BBS9: variants seen among roughly 807,000 people sequenced by gnomAD.
BBS9 encodes Bardet-Biedl syndrome 9.
Under a neutral mutation model 117.7 loss-of-function variants are expected in BBS9, and 89 were observed. The observed-to-expected ratio is 0.76, with a 90% CI of 0.64 to 0.90. BBS9 has a LOEUF of 0.90. Ranked by LOEUF, BBS9 falls within the 40% of genes least tolerant of loss-of-function variation. The pLI, the probability that BBS9 is intolerant of heterozygous loss-of-function variation, is 0.00. For missense variants in BBS9, 982 were observed against 1,042.2 expected, an observed-to-expected ratio of 0.94 and a Z score of 0.80; for synonymous variants, 379 against 370.9, an observed-to-expected ratio of 1.02 and a Z score of -0.25.
At chr7:33,353,462 A>G (rs1260894359) in intron 15 of BBS9, among the ~76,000 whole-genome samples, 1 of 152,098 alleles carries the variant, frequency 6.6e-6, no homozygotes. Flanking sequence ...TCTGATCACA[A>G]TATGAACTTA....
intron 9 of BBS9, among the ~76,000 whole-genome samples, chr7:33,328,318 A>G (rs1260306884): frequency 2.6e-5 from 4 of 152,214 alleles, no homozygotes; most frequent in Non-Finnish European, 4.4e-5. Context: ...ATTTAAAGTA[A>G]GTTTGAAGTC....
At chr7:33,354,565 T>C (rs902177870) in intron 15 of BBS9, among the ~76,000 whole-genome samples, 10 of 152,156 alleles carry the variant, frequency 6.6e-5, no homozygotes, top group Admixed American at 6.5e-4. Context: ...AATATGAAAT[T>C]ACTCTAGCAG....
chr7:33,439,432 A>T (rs980050119), intron 19 of BBS9, among the ~76,000 whole-genome samples: 2 of 152,026 alleles, frequency 1.3e-5, no homozygotes, highest in African/African-American at 4.8e-5. Flanking sequence ...ATAGATTTCT[A>T]CATTTCTCTT....
downstream of BBS9, among the ~76,000 whole-genome samples, chr7:33,610,497 A>G (rs1864801476): frequency 6.6e-6 from 1 of 152,120 alleles, no homozygotes; most frequent in Non-Finnish European, 1.5e-5. Flanking sequence ...GCGTGGCAGA[A>G]GAGCCAAGAG....
At chr7:33,386,755 A>G (rs981331047) in intron 18 of BBS9, among the ~76,000 whole-genome samples, 3 of 151,842 alleles carry the variant, frequency 2.0e-5, no homozygotes, top group African/African-American at 4.8e-5. Context: ...CGGCCTCCCA[A>G]AGTTCTGGGA....
intron 19 of BBS9, among the ~76,000 whole-genome samples, chr7:33,473,210 T>C (rs1841310986): frequency 6.6e-6 from 1 of 152,236 alleles, no homozygotes; most frequent in Non-Finnish European, 1.5e-5. Flanking sequence ...GGAAGAATAG[T>C]ATTTTGAAAA....
intron 19 of BBS9, among the ~76,000 whole-genome samples, chr7:33,503,819 A>T (rs1563268097): frequency 6.6e-6 from 1 of 152,072 alleles, no homozygotes; most frequent in East Asian, 1.9e-4. Context: ...GAGGAACACG[A>T]TTCCAGGTGT....
At chr7:33,379,445 A>G (rs1824535884) in intron 17 of BBS9, among the ~76,000 whole-genome samples, 1 of 152,142 alleles carries the variant, frequency 6.6e-6, no homozygotes, top group East Asian at 1.9e-4. Flanking sequence ...CTTTGTATAT[A>G]TTTAGGCTAA....
rs113769802 is a variant in BBS9 at position 33,428,804 on chromosome 7, A to G, written c.2115+40660A>G. ...CTTGTGGTTTATACATAATTGTTTAATTAGCCTCTACAGGCTACTATGGTA... is the reference window on the plus strand; with the variant it reads ...CTTGTGGTTTATACATAATTGTTTAGTTAGCCTCTACAGGCTACTATGGTA... On this transcript the variant is annotated intron_variant, in intron 19 of 22. Coordinates refer to ENST00000242067, the MANE Select transcript of BBS9 (RefSeq NM_198428.3). Among the ~76,000 whole-genome samples, 211 of 152,310 alleles carry G rather than the reference A, an allele frequency of 1.4e-3. 2 individuals carry two copies. Among genetic ancestry groups the G allele is most frequent in the African/African-American group, 3.8e-3 (156 of 41,586 alleles).
intron 5 of BBS9, among the ~76,000 whole-genome samples, chr7:33,250,298 G>T (rs1415026717): frequency 6.6e-6 from 1 of 152,120 alleles, no homozygotes; most frequent in Non-Finnish European, 1.5e-5. Context: ...TTAACAGAAG[G>T]CCAGAAATGT....
At chr7:33,477,944 G>A (rs2128967626) in intron 19 of BBS9, among the ~76,000 whole-genome samples, 1 of 152,160 alleles carries the variant, frequency 6.6e-6, no homozygotes, top group African/African-American at 2.4e-5. Context: ...TGGGTTTTTT[G>A]GAAGAAGTGA....
intron 19 of BBS9, among the ~76,000 whole-genome samples, chr7:33,407,666 G>A (rs1830287299): frequency 6.6e-6 from 1 of 152,222 alleles, no homozygotes; most frequent in East Asian, 1.9e-4. Context: ...AGGACCCTCA[G>A]CTGCAGGTCT....
intron 9 of BBS9, among the ~76,000 whole-genome samples, chr7:33,284,854 C>A (rs926000716): frequency 2.0e-5 from 3 of 152,078 alleles, no homozygotes; most frequent in Admixed American, 6.6e-5. Flanking sequence ...TTTTAGTCTG[C>A]TGAGGTACTG....
chr7:33,277,751 G>C (rs1228618107), intron 9 of BBS9, among the ~76,000 whole-genome samples: 2 of 152,162 alleles, frequency 1.3e-5, no homozygotes, highest in Admixed American at 1.3e-4. Flanking sequence ...TCTGGGAGCA[G>C]TTGGTGGGTC....
chr7:33,415,760 G>A (rs888039185), intron 19 of BBS9, among the ~76,000 whole-genome samples: 4 of 152,060 alleles, frequency 2.6e-5, no homozygotes, highest in Non-Finnish European at 5.9e-5. Context: ...AACAGCATAG[G>A]AATAAGCCAG....
intron 19 of BBS9, among the ~76,000 whole-genome samples, chr7:33,409,999 T>C (rs1488061281): frequency 6.6e-6 from 1 of 152,190 alleles, no homozygotes; most frequent in South Asian, 2.1e-4. Context: ...TTAGGAGTGC[T>C]ATGATTAAAC....
At chr7:33,171,141 G>A (rs1040810200) in intron 4 of BBS9, among the ~76,000 whole-genome samples, 5 of 152,158 alleles carry the variant, frequency 3.3e-5, no homozygotes, top group East Asian at 1.9e-4. Context: ...AGCCCGCATC[G>A]CCAAGTCAAT....
At chr7:33,316,057 T>C (rs966846080) in intron 9 of BBS9, among the ~76,000 whole-genome samples, 4 of 152,180 alleles carry the variant, frequency 2.6e-5, no homozygotes, top group South Asian at 2.1e-4. Flanking sequence ...GTCTCTCAAG[T>C]TATAGAACAT....
chr7:33,500,168 T>C (rs1845248562), intron 19 of BBS9, among the ~76,000 whole-genome samples: 1 of 152,240 alleles, frequency 6.6e-6, no homozygotes, highest in African/African-American at 2.4e-5. Context: ...CCAATTTGAA[T>C]TGACCTCATG....
Sources: allele counts gnomAD v4.1 joint callset (sites outside exome capture counted in the v4.1 genomes callset), GRCh38; gene constraint gnomAD v4.1.1; transcripts MANE v1.5; gene names NCBI Gene and HGNC (gene_info 2026-07-23, HGNC 2026-07-21).